Variants in DYSF observed in about 807,000 individuals in gnomAD.
DYSF encodes dysferlin.
Under a neutral mutation model 274.9 loss-of-function variants are expected in DYSF, and 212 were observed. That is an observed-to-expected ratio of 0.77 (90% CI 0.69 to 0.86). The LOEUF is 0.86. DYSF is among the 40% of genes least tolerant of loss of function. The probability of loss-of-function intolerance (pLI) is 0.00; values close to 1 mark genes in which losing one functional copy is unlikely to be tolerated. For synonymous variants in DYSF, 1,091 were observed against 1,078.7 expected, an observed-to-expected ratio of 1.01 and a Z score of -0.22; for missense variants, 2,666 against 2,783.2, an observed-to-expected ratio of 0.96 and a Z score of 0.95.
intron 51 of DYSF, among the ~76,000 whole-genome samples, chr2:71,672,836 A>G (rs1268780447): frequency 1.3e-5 from 2 of 152,092 alleles, no homozygotes; most frequent in Non-Finnish European, 2.9e-5. Flanking sequence ...AAAAGGGGGG[A>G]GGCACCAGAC....
At chr2:71,645,165 A>G (rs547837679) in intron 42 of DYSF, among the ~76,000 whole-genome samples, 8 of 152,326 alleles carry the variant, frequency 5.3e-5, no homozygotes, top group African/African-American at 1.7e-4. Context: ...CCTTATCACA[A>G]GCACAGAGGG....
intron 52 of DYSF, among the ~76,000 whole-genome samples, chr2:71,676,526 T>TAA (rs2095225036): frequency 6.6e-6 from 1 of 152,174 alleles, no homozygotes; most frequent in South Asian, 2.1e-4. Flanking sequence ...TTCTTATGCT[T>TAA]TAAAATTTTT....
At chr2:71,598,843 C>T (rs1204774754) in intron 33 of DYSF, 98 bp downstream of exon 33, 3 of 1,375,738 alleles carry the variant, frequency 2.2e-6, no homozygotes, top group Non-Finnish European at 3.0e-6. Flanking sequence ...CAGATGGGTG[C>T]TCTCCTAACT....
intron 41 of DYSF, among the ~76,000 whole-genome samples, chr2:71,622,135 T>TTTTTTTTTTTTG (rs1553390423): frequency 7.2e-6 from 1 of 138,612 alleles, no homozygotes; most frequent in Non-Finnish European, 1.6e-5. Flanking sequence ...TCTTTGTTTT[T>TTTTTTTTTTTTG]TTTTTTTTTT....
At chr2:71,609,340 A>C (rs1292367645) in intron 36 of DYSF, among the ~76,000 whole-genome samples, 1 of 152,160 alleles carries the variant, frequency 6.6e-6, no homozygotes, top group Non-Finnish European at 1.5e-5. Context: ...GAAAATGATA[A>C]GTTTTTTTGC....
chr2:71,511,098 C>G lies in DYSF; in HGVS notation c.346-709C>G, dbSNP rs544077006. Among the ~76,000 whole-genome samples, 228 of 150,916 alleles carry G rather than the reference C, an allele frequency of 1.5e-3. 3 individuals carry two copies. Among genetic ancestry groups the G allele is most frequent in the Non-Finnish European group, 3.1e-4 (21 of 67,648 alleles). ...GCTGCAGATCCTGCTGAGGTTGTGC[C>G]GTTCCCAGGTTCAGGGTGAGGGTTG... On this transcript the variant is annotated intron_variant, in intron 4 of 55. Transcript: ENST00000410020.
intron 38 of DYSF, among the ~76,000 whole-genome samples, chr2:71,612,361 C>G (rs1433001853): frequency 6.6e-6 from 1 of 152,142 alleles, no homozygotes; most frequent in Non-Finnish European, 1.5e-5. Context: ...CGCTCCCCAG[C>G]CAGTGAGGGA....
chr2:71,631,055 G>T (rs191848726), intron 41 of DYSF, among the ~76,000 whole-genome samples: 1 of 152,142 alleles, frequency 6.6e-6, no homozygotes, highest in African/African-American at 2.4e-5. Flanking sequence ...TTCCAGGTTG[G>T]GGGGATGTGG....
intron 41 of DYSF, among the ~76,000 whole-genome samples, chr2:71,635,422 ATGT>A (rs2152915335): frequency 6.6e-6 from 1 of 152,328 alleles, no homozygotes; most frequent in East Asian, 1.9e-4. Context: ...CTTTCAGGCA[ATGT>A]TCTAAGCATT....
At chr2:71,459,909 T>C (rs906496324) in intron 1 of DYSF, among the ~76,000 whole-genome samples, 7 of 152,152 alleles carry the variant, frequency 4.6e-5, no homozygotes, top group Non-Finnish European at 8.8e-5. Context: ...GCAATAAGCA[T>C]GAAACTCAGT....
chr2:71,658,642 G>A (rs919549295), intron 43 of DYSF, among the ~76,000 whole-genome samples: 1 of 152,182 alleles, frequency 6.6e-6, no homozygotes, highest in Non-Finnish European at 1.5e-5. Flanking sequence ...AAAAGGAGGA[G>A]GAAGCAAAAG....
At chr2:71,548,992 G>A (rs2090713522) in intron 17 of DYSF, among the ~76,000 whole-genome samples, 1 of 152,086 alleles carries the variant, frequency 6.6e-6, no homozygotes, top group Admixed American at 6.6e-5. Context: ...TCACTTATCT[G>A]GCTATCATAT....
At chr2:71,470,825 C>G (rs986293138) in intron 1 of DYSF, among the ~76,000 whole-genome samples, 11 of 132,130 alleles carry the variant, frequency 8.3e-5, no homozygotes, top group Non-Finnish European at 1.7e-4. Context: ...GACTTTCACT[C>G]TTATTACCCA....
intron 43 of DYSF, among the ~76,000 whole-genome samples, chr2:71,657,687 TG>T (rs1422866332): frequency 6.6e-6 from 1 of 152,204 alleles, no homozygotes; most frequent in Non-Finnish European, 1.5e-5. Context: ...TGCCAAGGCT[TG>T]GGGATTCCAC....
rs767800266 is a variant in DYSF at position 71,526,341 on chromosome 2, C to G, written c.1271C>G (p.Pro424Arg). The G allele has an allele frequency of 6.3e-7, 1 of 1,592,208 alleles. No individual in the cohort carries two copies. Among genetic ancestry groups the G allele is most frequent in the Non-Finnish European group, 8.6e-7 (1 of 1,166,620 alleles). ...CLKVFRAEDL[P>R]QMDDAVMDNV... The stretch of plus-strand genomic sequence containing the variant: ...AAGGTCTTCCGGGCCGAGGACTTGC[C>G]GCAGAGTGCGTGGGGCGCGCCCTTG... The change falls in exon 13 of 56, where the codon CCG (proline) becomes CGG (arginine). Residue 424 changes from proline (P) to arginine (R), a missense_variant. Coordinates refer to ENST00000410020, the MANE Select transcript of DYSF (RefSeq NM_001130987.2).
intron 1 of DYSF, among the ~76,000 whole-genome samples, chr2:71,456,069 C>T (rs1049498840): frequency 2.0e-5 from 3 of 152,130 alleles, no homozygotes; most frequent in African/African-American, 4.8e-5. Context: ...GCAGCTCCCC[C>T]CATCCTGCAT....
chr2:71,454,292 G>A (rs1340610675), intron 1 of DYSF, among the ~76,000 whole-genome samples: 2 of 152,236 alleles, frequency 1.3e-5, no homozygotes, highest in East Asian at 3.8e-4. Context: ...TGTCTGAATG[G>A]CGCTTCTCCT....
At chr2:71,620,758 C>A in intron 41 of DYSF, 149 bp downstream of exon 41, 1 of 813,426 alleles carries the variant, frequency 1.2e-6, no homozygotes, top group Non-Finnish European at 2.0e-6. Context: ...ATCTTTGCCT[C>A]ACTGAAAAGG....
rs546679270 is a variant in DYSF, at chr2:71,551,713, G to T, written c.1799G>T (p.Arg600Leu). 3.7e-4 allele frequency: 588 copies of T among 1,604,684 alleles called. 8 individuals carry two copies. The South Asian group carries it at 6.3e-3, about 17-fold the overall frequency. The change falls in exon 19 of 56, where the codon CGG becomes CTG. Residue 600 changes from arginine (R) to leucine (L), a missense_variant. By Grantham distance (102) the Arg-to-Leu change is moderately radical. Transcript: ENST00000410020. ...GACCTTCCTGCGGATGACATCCTCCGGGTGGAGGTGAGGGGTGTGGCTCTG... is the reference window on the plus strand; with the variant it reads ...GACCTTCCTGCGGATGACATCCTCCTGGTGGAGGTGAGGGGTGTGGCTCTG... The part of the protein sequence containing the change: ...VEDLPADDIL[R>L]VEKYLRRRKY...
Sources: gnomAD v4.1 joint callset for allele counts (sites outside exome capture counted in the v4.1 genomes callset) on GRCh38, gnomAD v4.1.1 for gene constraint, MANE v1.5 for transcripts, NCBI Gene and HGNC (gene_info 2026-07-23, HGNC 2026-07-21) for gene names.